The following DNASE1L3 variants were observed in gnomAD, a reference collection of about 807,000 sequenced individuals.
DNASE1L3 encodes the protein deoxyribonuclease gamma.
In DNASE1L3, 27 loss-of-function variants were observed where a neutral mutation model predicts 30.9. The observed-to-expected ratio is 0.87, with a 90% CI of 0.64 to 1.20. The LOEUF (loss-of-function observed/expected upper bound fraction) is 1.20, where lower values mean the gene tolerates loss of function less well. Among genes scored for constraint, DNASE1L3 ranks in the 50% most tolerant of loss-of-function variants. The probability of loss-of-function intolerance (pLI) is 0.00; values close to 1 mark genes in which losing one functional copy is unlikely to be tolerated. For synonymous variants in DNASE1L3, 135 were observed against 138.0 expected, an observed-to-expected ratio of 0.98 and a Z score of 0.15; for missense variants, 364 against 378.2, an observed-to-expected ratio of 0.96 and a Z score of 0.31.
Position 58,197,948 on chromosome 3 carries a change from C to T in DNASE1L3, c.577G>A (p.Gly193Ser), listed in dbSNP as rs200457209. Residue 193 changes from glycine (G) to serine (S), a missense_variant, in exon 6 of 8, where the codon GGC becomes AGC. Transcript: ENST00000394549. This position sits in a 1 kb window ranked among gnomAD's most constrained non-coding sequence, Gnocchi z 5.3. ...GCCTTCTTGGGGACGTAGCTGCAGC[C>T]GGCATTGAAGTCACCCATGAAAATG... is the stretch of plus-strand genomic sequence containing the variant. ...NFIFMGDFNAGCSYVPKKAWK... is the reference protein window; with the variant it reads ...NFIFMGDFNASCSYVPKKAWK... The T allele has an allele frequency of 9.6e-5, 155 of 1,613,364 alleles. No homozygotes were observed. Among genetic ancestry groups the T allele is most frequent in the Middle Eastern group, 8.2e-4 (5 of 6,068 alleles).
rs2097404848 is a variant in DNASE1L3 at position 58,207,456 on chromosome 3, A to AAC, written c.230+761_230+762insGT. 2.3e-3 allele frequency among the ~76,000 whole-genome samples: 91 copies of AAC among 39,740 alleles called. 6 individuals are homozygous for AAC. Among genetic ancestry groups the AAC allele is most frequent in the African/African-American group, 4.8e-3 (88 of 18,376 alleles). The allele number at this position is 39,740 out of a possible 152,430, so 26.1% of individuals were successfully genotyped here. On this transcript the variant is annotated intron_variant, in intron 2 of 7. Transcript: ENST00000394549. ...CTCTGATCACACCCCCCCCCCCCCCACCAGAAGTAACCACTATTAATAGTT... is the reference window on the plus strand; with the variant it reads ...CTCTGATCACACCCCCCCCCCCCCCAACCCAGAAGTAACCACTATTAATAGTT...
intron 4 of DNASE1L3, among the ~76,000 whole-genome samples, chr3:58,201,422 G>A (rs1327213265): frequency 6.6e-6 from 1 of 152,234 alleles, no homozygotes; most frequent in East Asian, 1.9e-4. Flanking sequence ...AATCATAAGT[G>A]TTAGAAATAA....
rs2097402967 is a variant in DNASE1L3 at position 58,204,879 on chromosome 3, T to G, written c.323A>C (p.Glu108Ala). 2 of 1,614,064 alleles carry G rather than the reference T, an allele frequency of 1.2e-6. No homozygotes were observed. The highest frequency in any genetic ancestry group is 2.2e-5 in the South Asian group (2 of 91,058). Residue 108 changes from glutamate to alanine, a missense_variant and splice_region_variant, in exon 4 of 8, where the codon GAA becomes GCA. Coordinates refer to ENST00000394549, the MANE Select transcript of DNASE1L3 (RefSeq NM_004944.4). ...YKEQYAFLYK[E>A]KLVSVKRSYH... ...ACTCCTCTTCACAGACACCAGCTTT[T>G]CCCTATAAGAAGGAAAAGGAAGTCC...
rs1266625012 is a variant in DNASE1L3 at position 58,201,044 on chromosome 3, C to A, written c.499G>T (p.Glu167Ter). The A allele has an allele frequency of 1.9e-6, 3 of 1,613,596 alleles. No homozygotes were observed. The highest frequency in any genetic ancestry group is 2.7e-5 in the African/African-American group (2 of 75,046). ...TPETSVKEIDELVEVYTDVKH... is the reference protein window; with the variant it reads ...TPETSVKEID ...ACGTCCGTGTAGACCTCAACCAACT[C>A]ATCGATCTCCTTAACGGATGTCTCT... is the stretch of plus-strand genomic sequence containing the variant. The change falls in exon 5 of 8, where the codon GAG becomes TAG. Residue 167 changes from glutamate (E) to a stop codon, truncating the protein, a stop_gained. Coordinates refer to ENST00000394549, the MANE Select transcript of DNASE1L3 (RefSeq NM_004944.4). LOFTEE classifies it high-confidence loss of function.
chr3:58,204,913 G>A, intron 3 of DNASE1L3, 32 bp from the exon 4 acceptor site: 1 of 1,601,154 alleles, frequency 6.2e-7, no homozygotes, highest in Non-Finnish European at 8.6e-7. Context: ...CCTCCCAGCT[G>A]AGTCAGCCCT....
intron 6 of DNASE1L3, among the ~76,000 whole-genome samples, chr3:58,193,668 G>A (rs898712177): frequency 2.6e-5 from 4 of 152,258 alleles, no homozygotes; most frequent in Non-Finnish European, 2.9e-5. Flanking sequence ...CTGTCTCCCA[G>A]TGTGGGCAAT....
At chr3:58,195,639 A>AAG (rs1575495396) in intron 6 of DNASE1L3, among the ~76,000 whole-genome samples, 1 of 149,214 alleles carries the variant, frequency 6.7e-6, no homozygotes, top group Non-Finnish European at 1.5e-5. Flanking sequence ...AAAAAAAAAA[A>AAG]GCGGGGCATG....
At chr3:58,210,676 A>G in intron 1 of DNASE1L3, 90 bp downstream of exon 1, 3 of 1,586,590 alleles carry the variant, frequency 1.9e-6, no homozygotes, top group South Asian at 2.3e-5. Context: ...CTAAGGGCCA[A>G]CTTTAAGTTC....
chr3:58,196,611 GCT>G, intron 6 of DNASE1L3, among the ~76,000 whole-genome samples: 1 of 150,574 alleles, frequency 6.6e-6, no homozygotes, highest in East Asian at 1.9e-4. Flanking sequence ...TGGCCTGGTG[GCT>G]CTCATGCAGA....
At chr3:58,201,834 A>T (rs1221226092) in intron 4 of DNASE1L3, among the ~76,000 whole-genome samples, 2 of 152,358 alleles carry the variant, frequency 1.3e-5, no homozygotes, top group East Asian at 3.9e-4. Context: ...TGCTCTCGCC[A>T]TTGTTCCATC....
rs2097395336 is a variant in DNASE1L3, at chr3:58,193,432, G to C, written c.712C>G (p.Leu238Val). 6.2e-7 allele frequency: 1 copy of C among 1,611,932 alleles called. No individual in the cohort carries two copies. ...STNCAYDRIV[L>V]RGQEIVSSVV... Reference sequence around the variant, plus strand: ...GAACTGACGATTTCTTGTCCTCTAAGCACAATCCTGGAACAAGGGGAGGGA... The same window carrying C: ...GAACTGACGATTTCTTGTCCTCTAACCACAATCCTGGAACAAGGGGAGGGA... The change falls in exon 7 of 8, where the codon CTT (leucine) becomes GTT (valine). Residue 238 changes from leucine (L) to valine (V), a missense_variant. Physicochemically the swap from Leu to Val is conservative, Grantham distance 32. Coordinates refer to ENST00000394549, the MANE Select transcript of DNASE1L3 (RefSeq NM_004944.4).
At chr3:58,193,178 G>T in intron 7 of DNASE1L3, 165 bp downstream of exon 7, 1 of 1,434,570 alleles carries the variant, frequency 7.0e-7, no homozygotes, top group Non-Finnish European at 9.2e-7. Context: ...CTGGACTCAA[G>T]TGATCCTCCC....
In DNASE1L3 at chr3:58,208,262, G is replaced by A. The variant is rs1662015667; in HGVS notation, c.186C>T (p.Asp62=). Residue 62 remains aspartate, a synonymous_variant, in exon 2 of 8, where the codon GAC becomes GAT. Transcript: ENST00000394549. ...CDIILVMEIK[D]SNNRICPILM... ...GTATGGGGCAGATCCTGTTGTTGCT[G>A]TCCTTGATTTCCATCACGAGTATGA... 1 of 1,614,076 alleles carries A rather than the reference G, an allele frequency of 6.2e-7. No homozygotes were observed. Among genetic ancestry groups the A allele is most frequent in the Non-Finnish European group, 8.5e-7 (1 of 1,180,050 alleles).
chr3:58,206,705 C>T (rs897518642), intron 2 of DNASE1L3, among the ~76,000 whole-genome samples: 1 of 152,122 alleles, frequency 6.6e-6, no homozygotes, highest in East Asian at 1.9e-4. Context: ...CCTACCTGTC[C>T]CCTCAGTCCC....
Position 58,205,495 on chromosome 3 carries a change from TTA to T in DNASE1L3, c.294_295del (p.Tyr98Ter). The T allele has an allele frequency of 6.2e-7, 1 of 1,614,054 alleles. No homozygotes were observed. Among genetic ancestry groups the T allele is most frequent in the Non-Finnish European group, 8.5e-7 (1 of 1,179,848 alleles). The stretch of plus-strand genomic sequence containing the variant: ...CTTGTAGAGAAAGGCATATTGTTCT[TTA>T]TATGTGTTTCTTCCAAGCCGAGAGC... On this transcript the variant is annotated stop_gained and frameshift_variant, in exon 3 of 8. Transcript: ENST00000394549. LOFTEE classifies it high-confidence loss of function.
At chr3:58,204,392 C>G (rs903020247) in intron 4 of DNASE1L3, among the ~76,000 whole-genome samples, 2 of 152,154 alleles carry the variant, frequency 1.3e-5, no homozygotes, top group African/African-American at 4.8e-5. Context: ...CCACCTGCCT[C>G]AGCCTCCCAA....
At chr3:58,202,458 C>T (rs1047509183) in intron 4 of DNASE1L3, among the ~76,000 whole-genome samples, 2 of 151,260 alleles carry the variant, frequency 1.3e-5, no homozygotes, top group African/African-American at 4.9e-5. Context: ...CCACCACACC[C>T]AGCTGGGAGT....
chr3:58,194,581 A>G (rs986601682), intron 6 of DNASE1L3, among the ~76,000 whole-genome samples: 4 of 149,448 alleles, frequency 2.7e-5, no homozygotes, highest in African/African-American at 9.9e-5. Context: ...CAACCTCCCA[A>G]AGTGCTGGGA....
At position 58,197,797 on chromosome 3, in the gene DNASE1L3, G is replaced by A; in HGVS notation, c.704+24C>T. On this transcript the variant is annotated intron_variant, in intron 6 of 7. Coordinates refer to ENST00000394549, the MANE Select transcript of DNASE1L3 (RefSeq NM_004944.4). The surrounding 1 kb of genome is among the most constrained non-coding windows in gnomAD (Gnocchi z 5.3). ...GCACACCAAGCACTGTGGTGAGCCA[G>A]CAGCACCCTGCAGGGCCTCCTACCT... The A allele has an allele frequency of 1.9e-6, 3 of 1,612,948 alleles. No individual in the cohort carries two copies. Among genetic ancestry groups the A allele is most frequent in the Non-Finnish European group, 2.5e-6 (3 of 1,179,898 alleles).
Sources: gnomAD v4.1 joint callset for allele counts (sites outside exome capture counted in the v4.1 genomes callset) on GRCh38, gnomAD v4.1.1 for gene constraint, Gnocchi (gnomAD v3.1) non-coding constraint, MANE v1.5 for transcripts, NCBI Gene and HGNC (gene_info 2026-07-23, HGNC 2026-07-21) for gene names.